The following POLR1A variants were observed in gnomAD, a reference collection of about 807,000 sequenced individuals.
The protein encoded by POLR1A is DNA-directed RNA polymerase I subunit RPA1.
A neutral mutation model predicts 205.3 loss-of-function variants in POLR1A; 84 were observed. The ratio of observed to expected loss-of-function variants is 0.41; its 90% CI spans 0.34 to 0.49. The LOEUF (loss-of-function observed/expected upper bound fraction) is 0.49, where lower values mean the gene tolerates loss of function less well. Ranked by LOEUF, POLR1A falls within the 20% of genes least tolerant of loss-of-function variation. The pLI is 0.22. For missense variants in POLR1A, 1,645 were observed against 2,204.5 expected, an observed-to-expected ratio of 0.75 and a Z score of 5.08; for synonymous variants, 799 against 863.7, an observed-to-expected ratio of 0.93 and a Z score of 1.31.
intron 8 of POLR1A, among the ~76,000 whole-genome samples, 155 bp downstream of exon 8, chr2:86,081,446 G>A (rs1673399878): frequency 6.6e-6 from 1 of 151,810 alleles, no homozygotes. Context: ...CACAACAAAC[G>A]GGAAGGAAAG....
chr2:86,050,918 T>C (rs1302856938), intron 16 of POLR1A, among the ~76,000 whole-genome samples: 4 of 152,122 alleles, frequency 2.6e-5, no homozygotes, highest in African/African-American at 7.2e-5. Context: ...GGTCTCTTAG[T>C]GGAATTAAGA....
chr2:86,033,932 C>T, intron 27 of POLR1A, 145 bp from the exon 28 acceptor site: 1 of 981,408 alleles, frequency 1.0e-6, no homozygotes, highest in Admixed American at 2.5e-5. Context: ...ACTCACTTGT[C>T]CCTACCCGCT....
In POLR1A at chr2:86,051,793, C is replaced by T. The variant is rs185454751; in HGVS notation, c.2392+1024G>A. On this transcript the variant is annotated intron_variant, in intron 16 of 33. Coordinates refer to ENST00000263857, the MANE Select transcript of POLR1A (RefSeq NM_015425.6). ...GAGCCCCAGGGCAGTGAGCCCAGCA[C>T]TCACCCAAGGTGAAGCCTCTTTATC... is the stretch of plus-strand genomic sequence containing the variant. Among the ~76,000 whole-genome samples the T allele has an allele frequency of 1.2e-4, 18 of 152,368 alleles. No homozygotes were observed. The East Asian group carries it at 3.5e-3, about 29-fold the overall frequency.
In POLR1A at chr2:86,027,480, G is replaced by A. The variant is rs750185043; in HGVS notation, c.5106C>T (p.Val1702=). The change falls in exon 34 of 34, where the codon GTC becomes GTT. Residue 1702 remains valine, a synonymous_variant. Transcript: ENST00000263857. ...CTGTCCCGCCCCTGACGACCTTCCC[G>A]ACCACAAGGCAGGCAGAAGGAGACC... The part of the protein sequence containing the change: ...ELRSPSACLV[V]GKVVRGGTGL... The A allele has an allele frequency of 5.0e-6, 8 of 1,614,142 alleles. No individual in the cohort carries two copies. In the Middle Eastern group the frequency reaches 4.9e-4, roughly 100 times the overall value.
At position 86,027,059 on chromosome 2, in the gene POLR1A, G is replaced by A. The variant is rs917562324; in HGVS notation, c.*364C>T. 1 of 230,428 alleles carries A rather than the reference G, an allele frequency of 4.3e-6. No individual in the cohort carries two copies. The highest frequency in any genetic ancestry group is 2.2e-5 in the African/African-American group (1 of 45,388). 14.3% of individuals were successfully genotyped at this position (230,428 alleles called of 1,614,324 possible). A position where few individuals can be genotyped will look rare whatever the true frequency, so the allele number is the denominator to read the frequency against. On this transcript the variant is annotated 3_prime_UTR_variant, in exon 34 of 34. Transcript: ENST00000263857. ...CCTGGGGTCCCCAGCAGCAAAGCAT[G>A]GCTTCCCCTTGGTCTTCTCAGTGAA... is the stretch of plus-strand genomic sequence containing the variant.
chr2:86,052,957 T>C lies in POLR1A; in HGVS notation c.2252A>G (p.Lys751Arg). ...GTAGGCGGAGCTCCCATAGTGCGCC[T>C]TGTCCAGCACTCCGCAGAGCAGCTC... ...EGELLCGVLD[K>R]AHYGSSAYGL... Residue 751 changes from lysine to arginine, a missense_variant, in exon 16 of 34, where the codon AAG becomes AGG. Lys to Arg is a conservative substitution (Grantham distance 26). This residue lies in a region of POLR1A where 339 missense variants were observed against 415.1 expected (regional missense o/e 0.82). Transcript: ENST00000263857. The C allele has an allele frequency of 6.2e-7, 1 of 1,607,970 alleles. No homozygotes were observed. Among genetic ancestry groups the C allele is most frequent in the Non-Finnish European group, 8.5e-7 (1 of 1,176,986 alleles).
At position 86,078,256 on chromosome 2, in the gene POLR1A, C is replaced by A. The variant is rs781449199; in HGVS notation, c.1115G>T (p.Arg372Leu). ...EEKDSLIAID[R>L]SFLSTLPGQS... Reference sequence around the variant, plus strand: ...GCCTGGAAGTGTACTCAAAAAGGATCGGTCAATAGCAATCAAAGAGTCTTT... The same window carrying A: ...GCCTGGAAGTGTACTCAAAAAGGATAGGTCAATAGCAATCAAAGAGTCTTT... Residue 372 changes from arginine (R) to leucine (L), a missense_variant, in exon 10 of 34, where the codon CGA (arginine) becomes CTA (leucine). Coordinates refer to ENST00000263857, the MANE Select transcript of POLR1A (RefSeq NM_015425.6). The A allele has an allele frequency of 6.3e-7, 1 of 1,579,808 alleles. No individual in the cohort carries two copies. The highest frequency in any genetic ancestry group is 1.4e-5 in the African/African-American group (1 of 72,732).
chr2:86,029,694 T>TC, intron 31 of POLR1A, among the ~76,000 whole-genome samples: 1 of 151,546 alleles, frequency 6.6e-6, no homozygotes, highest in East Asian at 1.9e-4. Flanking sequence ...CCTCCTGGGT[T>TC]ATCGCCATTC....
intron 28 of POLR1A, 122 bp from the exon 29 acceptor site, chr2:86,032,504 T>C (rs1573801606): frequency 1.1e-5 from 8 of 726,758 alleles, no homozygotes; most frequent in Admixed American, 2.0e-5. Context: ...CCTTCTCCCA[T>C]CCAGCCACCA....
chr2:86,046,065 A>T (rs1173726960), intron 19 of POLR1A, among the ~76,000 whole-genome samples: 1 of 152,172 alleles, frequency 6.6e-6, no homozygotes, highest in Non-Finnish European at 1.5e-5. Flanking sequence ...AAAGGACTGG[A>T]GGGTCCTGAT....
At chr2:86,086,994 A>G (rs1673514381) in intron 6 of POLR1A, among the ~76,000 whole-genome samples, 1 of 152,266 alleles carries the variant, frequency 6.6e-6, no homozygotes, top group South Asian at 2.1e-4. Context: ...TTCTAAATGC[A>G]GTGTGGTATC....
intron 3 of POLR1A, among the ~76,000 whole-genome samples, chr2:86,095,910 A>G (rs1489836621): frequency 2.0e-5 from 3 of 151,968 alleles, no homozygotes; most frequent in Non-Finnish European, 4.4e-5. Flanking sequence ...TTGTATTTTT[A>G]GTAGAGATGG....
At chr2:86,081,783 T>C in intron 7 of POLR1A, 77 bp from the exon 8 acceptor site, 2 of 821,774 alleles carry the variant, frequency 2.4e-6, no homozygotes, top group Non-Finnish European at 4.0e-6. Flanking sequence ...CATAAAAATA[T>C]TACTGAGTGA....
chr2:86,059,871 C>G (rs1672965776), intron 14 of POLR1A, among the ~76,000 whole-genome samples: 1 of 151,904 alleles, frequency 6.6e-6, no homozygotes, highest in African/African-American at 2.4e-5. Flanking sequence ...TGGCCTCATT[C>G]TTATTTATTT....
chr2:86,042,743 G>A (rs1162291035), intron 23 of POLR1A, among the ~76,000 whole-genome samples: 4 of 150,716 alleles, frequency 2.7e-5, no homozygotes, highest in South Asian at 2.1e-4. Context: ...ACCTGGGATC[G>A]CGGGGAACCC....
chr2:86,081,476 C>T, intron 8 of POLR1A, 125 bp downstream of exon 8: 2 of 618,504 alleles, frequency 3.2e-6, no homozygotes, highest in Non-Finnish European at 2.9e-6. Context: ...CCACCACCTG[C>T]ACCTGGAGCG....
chr2:86,074,957 A>G, intron 12 of POLR1A, 73 bp downstream of exon 12: 1 of 1,082,072 alleles, frequency 9.2e-7, no homozygotes, highest in African/African-American at 1.6e-5. Flanking sequence ...CCGGAGCCAC[A>G]CCTGATGGCC....
intron 9 of POLR1A, among the ~76,000 whole-genome samples, chr2:86,080,377 G>A (rs577311423): frequency 2.0e-5 from 3 of 152,244 alleles, no homozygotes; most frequent in Admixed American, 1.3e-4. Context: ...AGACATTAAC[G>A]TGTCCAAAAT....
intron 1 of POLR1A, among the ~76,000 whole-genome samples, chr2:86,100,476 A>T (rs1487297539): frequency 6.6e-6 from 1 of 152,224 alleles, no homozygotes; most frequent in African/African-American, 2.4e-5. Flanking sequence ...TAAACTGTTC[A>T]TAAAAAGGAG....
Sources: allele counts gnomAD v4.1 joint callset (sites outside exome capture counted in the v4.1 genomes callset), GRCh38; gene constraint gnomAD v4.1.1; regional missense constraint gnomAD v4.1.1; transcripts MANE v1.5; gene names NCBI Gene and HGNC (gene_info 2026-07-23, HGNC 2026-07-21).